Variants in KDM2B observed in about 807,000 individuals in gnomAD.
KDM2B encodes the protein lysine-specific demethylase 2B.
A neutral mutation model predicts 150.0 loss-of-function variants in KDM2B; 26 were observed. The observed-to-expected ratio is 0.17, with a 90% confidence interval of 0.13 to 0.24. KDM2B has a LOEUF of 0.24. Ranked by LOEUF, KDM2B falls within the 10% of genes least tolerant of loss-of-function variation. The pLI is 1.00. For missense variants in KDM2B, 1,265 were observed against 1,816.9 expected (o/e 0.70, Z 5.52); for synonymous variants, 734 against 729.5 (o/e 1.01, Z -0.10).
At chr12:121,471,782 A>G (rs1880793808) in intron 12 of KDM2B, among the ~76,000 whole-genome samples, 1 of 152,106 alleles carries the variant, frequency 6.6e-6, no homozygotes, top group African/African-American at 2.4e-5. Context: ...GATCCTTTTA[A>G]TGTTGAGACC....
chr12:121,580,010 A>AAAG, intron 1 of KDM2B: 1 of 1,540,238 alleles, frequency 6.5e-7, no homozygotes, highest in Non-Finnish European at 8.7e-7. Context: ...AAAAAAAAAA[A>AAAG]GCTACACACC....
intron 19 of KDM2B, among the ~76,000 whole-genome samples, chr12:121,441,527 C>A (rs1875045351): frequency 6.6e-6 from 1 of 152,164 alleles, no homozygotes; most frequent in Non-Finnish European, 1.5e-5. Flanking sequence ...ACCTCCGTCT[C>A]CCAGGTTCAA....
At chr12:121,427,356 G>C (rs534232604), downstream of KDM2B, among the ~76,000 whole-genome samples, 237 of 152,144 alleles carry the variant, frequency 1.6e-3, 1 homozygote, top group African/African-American at 5.5e-3. Context: ...TGGCCAACAT[G>C]GTGGGTGAAA....
chr12:121,443,241 A>G, intron 17 of KDM2B: 1 of 607,202 alleles, frequency 1.6e-6, no homozygotes, highest in Non-Finnish European at 2.9e-6. Flanking sequence ...AGTACAGTTG[A>G]ACTGTTCCCA....
intron 4 of KDM2B, among the ~76,000 whole-genome samples, chr12:121,562,931 G>A (rs886070665): frequency 2.0e-5 from 3 of 152,130 alleles, no homozygotes; most frequent in South Asian, 2.1e-4. Flanking sequence ...CATGAATACC[G>A]AATGAAGTCA....
chr12:121,495,736 C>T (rs956289347), intron 11 of KDM2B, among the ~76,000 whole-genome samples: 1 of 152,158 alleles, frequency 6.6e-6, no homozygotes, highest in Admixed American at 6.5e-5. Context: ...GCCATGACTC[C>T]GTCCTTTAGT....
chr12:121,451,675 G>A (rs1877310317), intron 13 of KDM2B, among the ~76,000 whole-genome samples: 1 of 152,112 alleles, frequency 6.6e-6, no homozygotes, highest in Non-Finnish European at 1.5e-5. Flanking sequence ...ACTCTTGGAG[G>A]CCGAGGTGGG....
chr12:121,509,445 C>T, intron 11 of KDM2B, 122 bp downstream of exon 11: 3 of 1,486,376 alleles, frequency 2.0e-6, no homozygotes, highest in Non-Finnish European at 2.7e-6. Flanking sequence ...CCTCGCAGCG[C>T]CCACCCGAAT....
intron 22 of KDM2B, among the ~76,000 whole-genome samples, chr12:121,438,357 C>T (rs1050884406): frequency 3.9e-5 from 6 of 152,058 alleles, no homozygotes; most frequent in African/African-American, 1.4e-4. Context: ...GATTTGCATG[C>T]ACACACACAG....
intron 11 of KDM2B, 49 bp downstream of exon 11, chr12:121,509,518 C>T: frequency 6.3e-7 from 1 of 1,591,020 alleles, no homozygotes. Context: ...TGAACGGGAC[C>T]TGCCCGGCCC....
chr12:121,422,749 G>A, the KDM2B span, among the ~76,000 whole-genome samples: 2 of 152,084 alleles, frequency 1.3e-5, no homozygotes, highest in African/African-American at 2.4e-5. Flanking sequence ...CTTATTCATC[G>A]TCTTTCTTAT....
the KDM2B span, among the ~76,000 whole-genome samples, chr12:121,421,465 A>T: frequency 6.9e-6 from 1 of 145,936 alleles, no homozygotes; most frequent in Non-Finnish European, 1.5e-5. Flanking sequence ...AGGGGGGAGG[A>T]TTGCTTGAGC....
chr12:121,529,235 C>T (rs1398678121), intron 8 of KDM2B, among the ~76,000 whole-genome samples: 2 of 152,162 alleles, frequency 1.3e-5, no homozygotes, highest in African/African-American at 2.4e-5. Context: ...AAAAATCACA[C>T]GATCATCTGA....
intron 16 of KDM2B, 74 bp from the exon 17 acceptor site, chr12:121,443,867 G>A (rs1482749968): frequency 7.2e-7 from 1 of 1,387,510 alleles, no homozygotes; most frequent in South Asian, 1.3e-5. Context: ...GGGCTCTCAG[G>A]ACTTAGGTGA....
intron 11 of KDM2B, among the ~76,000 whole-genome samples, chr12:121,502,942 A>AT (rs1212684280): frequency 1.4e-5 from 2 of 146,504 alleles, no homozygotes; most frequent in South Asian, 2.2e-4. Context: ...AAAAAATAAA[A>AT]TTTTTTTTTT....
rs1449757691 is a variant in KDM2B at position 121,452,423 on chromosome 12, C to A, written c.1959+697G>T. 3.9e-5 allele frequency among the ~76,000 whole-genome samples: 6 copies of A among 152,196 alleles called. No homozygotes were observed. The highest frequency in any genetic ancestry group is 3.3e-4 in the Admixed American group (5 of 15,274). ...GCCAGGCTGGGCCTGCAGATGAGCG[C>A]ACCAGGGCCGAGGAATCCCGTCCCT... On this transcript the variant is annotated intron_variant, in intron 13 of 22. Coordinates refer to ENST00000377071, the MANE Select transcript of KDM2B (RefSeq NM_032590.5). The surrounding 1 kb of genome is among the most constrained non-coding windows in gnomAD (Gnocchi z 4.4).
chr12:121,506,522 C>A (rs549015781), intron 11 of KDM2B, among the ~76,000 whole-genome samples: 1 of 152,248 alleles, frequency 6.6e-6, no homozygotes, highest in South Asian at 2.1e-4. Flanking sequence ...CCTCATTAGA[C>A]AAGGCTAAAC....
At position 121,439,969 on chromosome 12, in the gene KDM2B, C is replaced by T. The variant is rs782423130; in HGVS notation, c.3717G>A (p.Leu1239=). The part of the protein sequence containing the change: ...SLRLIIRHMP[L]LSKLHLSYCN... Reference sequence around the variant, plus strand: ...AGTAACTGAGGTGGAGCTTGGAGAGCAGGGGCATGTGGCGGATGATGAGCC... The same window carrying T: ...AGTAACTGAGGTGGAGCTTGGAGAGTAGGGGCATGTGGCGGATGATGAGCC... The change falls in exon 22 of 23, where the codon CTG becomes CTA. Residue 1239 remains leucine (L), a synonymous_variant. Coordinates refer to ENST00000377071, the MANE Select transcript of KDM2B (RefSeq NM_032590.5). 5.6e-6 allele frequency: 9 copies of T among 1,614,038 alleles called. No homozygotes were observed. Among genetic ancestry groups the T allele is most frequent in the Admixed American group, 5.0e-5 (3 of 60,000 alleles).
intron 12 of KDM2B, among the ~76,000 whole-genome samples, chr12:121,466,921 G>A (rs1252119189): frequency 1.4e-5 from 2 of 147,284 alleles, no homozygotes; most frequent in Admixed American, 6.7e-5. Context: ...CGCGGTGCCC[G>A]ATGGCCCCCA....
Sources: gnomAD v4.1 joint callset for allele counts (sites outside exome capture counted in the v4.1 genomes callset) on GRCh38, gnomAD v4.1.1 for gene constraint, Gnocchi (gnomAD v3.1) non-coding constraint, MANE v1.5 for transcripts, NCBI Gene and HGNC (gene_info 2026-07-23, HGNC 2026-07-21) for gene names.